ADAM18: variants seen among roughly 807,000 people sequenced by gnomAD.
ADAM18 encodes disintegrin and metalloproteinase domain-containing protein 18.
In ADAM18, 117 loss-of-function variants were observed where a neutral mutation model predicts 94.4. That is an observed-to-expected ratio of 1.24 (90% CI 1.07 to 1.45). The LOEUF is 1.45. Ranked by LOEUF, ADAM18 falls within the 40% of genes most tolerant of loss-of-function variation. ADAM18 has a pLI of 0.00. For synonymous variants in ADAM18, 327 were observed against 291.6 expected (o/e 1.12, Z -1.24); for missense variants, 936 against 880.0 (o/e 1.06, Z -0.81).
chr8:39,675,484 A>T (rs1821274844), intron 14 of ADAM18, among the ~76,000 whole-genome samples: 3 of 152,186 alleles, frequency 2.0e-5, no homozygotes, highest in African/African-American at 4.8e-5. Flanking sequence ...AGGTCATTTA[A>T]GGTCCTCTCT....
At chr8:39,639,579 T>G (rs1332128152) in intron 10 of ADAM18, among the ~76,000 whole-genome samples, 2 of 151,952 alleles carry the variant, frequency 1.3e-5, no homozygotes, top group Non-Finnish European at 2.9e-5. Flanking sequence ...TTCGACTGCT[T>G]CATTCCCCCT....
intron 10 of ADAM18, among the ~76,000 whole-genome samples, chr8:39,639,795 T>G (rs1053278374): frequency 2.0e-5 from 3 of 152,086 alleles, no homozygotes; most frequent in African/African-American, 7.2e-5. Flanking sequence ...AATTCGTCTT[T>G]CCTTTCTTGG....
At chr8:39,649,719 C>T (rs1413601450) in intron 12 of ADAM18, among the ~76,000 whole-genome samples, 1 of 152,182 alleles carries the variant, frequency 6.6e-6, no homozygotes, top group East Asian at 1.9e-4. Context: ...CTTCCTGTTA[C>T]CTCAGTGGTA....
intron 18 of ADAM18, among the ~76,000 whole-genome samples, chr8:39,722,943 A>T (rs563400063): frequency 6.6e-6 from 1 of 151,636 alleles, no homozygotes; most frequent in Non-Finnish European, 1.5e-5. Context: ...TACATCAATA[A>T]ATTTCACTAA....
At chr8:39,664,498 A>T (rs559316468) in intron 13 of ADAM18, among the ~76,000 whole-genome samples, 1 of 152,286 alleles carries the variant, frequency 6.6e-6, no homozygotes, top group East Asian at 1.9e-4. Flanking sequence ...TTTAGTGTTA[A>T]AATCACAAAG....
intron 18 of ADAM18, among the ~76,000 whole-genome samples, chr8:39,722,175 CTTTG>C (rs1822770003): frequency 7.6e-6 from 1 of 130,764 alleles, no homozygotes; most frequent in Non-Finnish European, 1.6e-5. Context: ...TGTCTGCCTA[CTTTG>C]TTGGTTATAC....
chr8:39,611,511 C>T (rs949692649), intron 6 of ADAM18: 22 of 984,742 alleles, frequency 2.2e-5, no homozygotes, highest in Middle Eastern at 5.2e-4. Flanking sequence ...AAATTTGTCT[C>T]GATTTTGTAG....
At chr8:39,666,596 A>G (rs1263112840) in intron 13 of ADAM18, among the ~76,000 whole-genome samples, 3 of 152,296 alleles carry the variant, frequency 2.0e-5, no homozygotes, top group African/African-American at 7.2e-5. Context: ...GCAGCTCCTC[A>G]TGGCTGGGAA....
intron 15 of ADAM18, 110 bp downstream of exon 15, chr8:39,677,646 C>T (rs931792766): frequency 1.0e-5 from 7 of 676,266 alleles, no homozygotes; most frequent in Non-Finnish European, 1.6e-5. Flanking sequence ...GGAATATTTT[C>T]AAATACCAAT....
rs372081381 is a variant in ADAM18 at position 39,597,021 on chromosome 8, CCTGA to C, written c.133-9283_133-9280del. 3.1e-3 allele frequency among the ~76,000 whole-genome samples: 467 copies of C among 152,226 alleles called. 2 individuals are homozygous for C. The highest frequency in any genetic ancestry group is 5.2e-3 in the Admixed American group (80 of 15,294). On this transcript the variant is annotated intron_variant, in intron 2 of 19. Transcript: ENST00000265707. ...ACTGTCCTTATGGATGCACAGCCTCCCTGACTATCAGGTCTCATGTTTGTTTGAC... is the reference window on the plus strand; with the variant it reads ...ACTGTCCTTATGGATGCACAGCCTCCCTATCAGGTCTCATGTTTGTTTGAC...
rs568534612 is a variant in ADAM18, at chr8:39,609,666, A to G, written c.344+105A>G. On this transcript the variant is annotated intron_variant, in intron 5 of 19. Transcript: ENST00000265707. Reference sequence around the variant, plus strand: ...AAATCATGGAAGTTTAAGGGAAATCAAAATGGAAAGTTTTCTTTCTAACAG... The same window carrying G: ...AAATCATGGAAGTTTAAGGGAAATCGAAATGGAAAGTTTTCTTTCTAACAG... 9 of 745,100 alleles carry G rather than the reference A, an allele frequency of 1.2e-5. No individual in the cohort carries two copies. The East Asian group carries it at 2.4e-4, about 20-fold the overall frequency. The allele number at this position is 745,100 out of a possible 1,614,324, so 46.2% of individuals were successfully genotyped here.
chr8:39,697,503 G>A (rs748239531), intron 17 of ADAM18, among the ~76,000 whole-genome samples: 1 of 151,582 alleles, frequency 6.6e-6, no homozygotes, highest in Non-Finnish European at 1.5e-5. Flanking sequence ...AAAAGGTAGT[G>A]AATTTTTTCA....
chr8:39,634,656 C>A (rs1820029173), intron 7 of ADAM18, among the ~76,000 whole-genome samples: 1 of 152,124 alleles, frequency 6.6e-6, no homozygotes, highest in South Asian at 2.1e-4. Flanking sequence ...TTTCTTCTTT[C>A]TGAAATGGGA....
At chr8:39,652,873 T>G (rs181668262) in intron 12 of ADAM18, among the ~76,000 whole-genome samples, 1 of 152,026 alleles carries the variant, frequency 6.6e-6, no homozygotes, top group East Asian at 1.9e-4. Context: ...ATTCCTGTAG[T>G]TGGTGACAAC....
At chr8:39,714,673 AC>A (rs1342736141) in intron 18 of ADAM18, among the ~76,000 whole-genome samples, 2 of 152,094 alleles carry the variant, frequency 1.3e-5, no homozygotes, top group Non-Finnish European at 2.9e-5. Context: ...ATAAGAGTTG[AC>A]TAGTCTAACT....
intron 12 of ADAM18, among the ~76,000 whole-genome samples, chr8:39,662,257 A>T (rs1375331720): frequency 6.6e-6 from 1 of 152,128 alleles, no homozygotes; most frequent in Non-Finnish European, 1.5e-5. Context: ...ATACACACAC[A>T]TACATTTATA....
rs777330968 is a variant in ADAM18 at position 39,729,896 on chromosome 8, A to G, written c.2178-2A>G. ...TATTTTTTCTGTTTTTCTTCACTAT[A>G]GTAATTCATCCGTTGTATCAGAAAG... On this transcript the variant is annotated splice_acceptor_variant, in intron 19 of 19. Coordinates refer to ENST00000265707, the MANE Select transcript of ADAM18 (RefSeq NM_014237.3). LOFTEE classifies it high-confidence loss of function. 1.9e-6 allele frequency: 3 copies of G among 1,613,006 alleles called. No individual in the cohort carries two copies. Among genetic ancestry groups the G allele is most frequent in the Non-Finnish European group, 2.5e-6 (3 of 1,178,992 alleles).
chr8:39,667,170 G>A (rs1314740307), intron 13 of ADAM18, among the ~76,000 whole-genome samples: 1 of 152,078 alleles, frequency 6.6e-6, no homozygotes, highest in African/African-American at 2.4e-5. Flanking sequence ...GGGAGGCCAA[G>A]GTGGGTGGAT....
rs1820639666 is a variant in ADAM18, at chr8:39,654,718, C to T, written c.1230+6191C>T. ...CACATTAGCATTTGTTATTTTCTGT[C>T]ATTTTGATAATAGCCATTCTAACTA... On this transcript the variant is annotated intron_variant, in intron 12 of 19. Transcript: ENST00000265707. Among the ~76,000 whole-genome samples the T allele has an allele frequency of 3.3e-5, 5 of 152,108 alleles. No homozygotes were observed. The South Asian group carries it at 1.0e-3, about 32-fold the overall frequency.
Sources: allele counts gnomAD v4.1 joint callset (sites outside exome capture counted in the v4.1 genomes callset), GRCh38; gene constraint gnomAD v4.1.1; transcripts MANE v1.5; gene names NCBI Gene and HGNC (gene_info 2026-07-23, HGNC 2026-07-21).